ABAT: variants seen among roughly 807,000 people sequenced by gnomAD.
ABAT encodes the protein 4-aminobutyrate aminotransferase, mitochondrial.
ABAT carries 45 observed loss-of-function variants against 64.6 expected under a neutral mutation model. The observed-to-expected ratio is 0.70, with a 90% CI of 0.55 to 0.89. The LOEUF (loss-of-function observed/expected upper bound fraction) is 0.89, where lower values mean the gene tolerates loss of function less well. Ranked by LOEUF, ABAT falls within the 40% of genes least tolerant of loss-of-function variation. The pLI, the probability that ABAT is intolerant of heterozygous loss-of-function variation, is 0.00. For missense variants in ABAT, 633 were observed against 658.4 expected (o/e 0.96, Z 0.42); for synonymous variants, 297 against 250.5 (o/e 1.19, Z -1.75).
At chr16:8,753,334 A>T (rs543975198) in intron 5 of ABAT, among the ~76,000 whole-genome samples, 1 of 151,972 alleles carries the variant, frequency 6.6e-6, no homozygotes, top group Non-Finnish European at 1.5e-5. Flanking sequence ...TGACCTCGTG[A>T]TCCACCCACC....
At chr16:8,719,255 G>A (rs1392588123) in intron 1 of ABAT, among the ~76,000 whole-genome samples, 1 of 152,200 alleles carries the variant, frequency 6.6e-6, no homozygotes, top group African/African-American at 2.4e-5. Flanking sequence ...GGCCCGGGTA[G>A]CTACTTCAGC....
At chr16:8,727,487 A>G (rs919467216) in intron 1 of ABAT, among the ~76,000 whole-genome samples, 2 of 152,084 alleles carry the variant, frequency 1.3e-5, no homozygotes, top group African/African-American at 4.8e-5. Context: ...CCTCCCTGAC[A>G]TTGTCACCCC....
At chr16:8,676,194 G>T (rs548930795) in intron 1 of ABAT, among the ~76,000 whole-genome samples, 1 of 152,154 alleles carries the variant, frequency 6.6e-6, no homozygotes, top group African/African-American at 2.4e-5. Flanking sequence ...GGTTAGCCAC[G>T]GGGAGAGGTA....
At chr16:8,701,904 G>A (rs967032169) in intron 1 of ABAT, among the ~76,000 whole-genome samples, 7 of 151,794 alleles carry the variant, frequency 4.6e-5, no homozygotes, top group African/African-American at 1.7e-4. Context: ...ACCACGAGGG[G>A]GCCAGTGTGG....
chr16:8,725,308 C>T (rs575930805), intron 1 of ABAT, among the ~76,000 whole-genome samples: 11 of 152,302 alleles, frequency 7.2e-5, no homozygotes, highest in South Asian at 6.2e-4. Flanking sequence ...CAGCCACCAC[C>T]GCTATCTAAT....
intron 2 of ABAT, 51 bp downstream of exon 2, chr16:8,735,860 C>T: frequency 6.7e-7 from 1 of 1,491,288 alleles, no homozygotes; most frequent in Non-Finnish European, 9.2e-7. Flanking sequence ...AGATACCATC[C>T]AGACTAGGGA....
At chr16:8,705,843 T>C (rs2057928013) in intron 1 of ABAT, among the ~76,000 whole-genome samples, 2 of 152,204 alleles carry the variant, frequency 1.3e-5, no homozygotes, top group African/African-American at 4.8e-5. Flanking sequence ...AATGATGCTA[T>C]TGCTTGAGTG....
chr16:8,767,394 C>T (rs936518257), intron 9 of ABAT, among the ~76,000 whole-genome samples: 1 of 152,212 alleles, frequency 6.6e-6, no homozygotes, highest in Admixed American at 6.5e-5. Flanking sequence ...AGCTCGGCCC[C>T]TTGCCTTGGT....
intron 1 of ABAT, among the ~76,000 whole-genome samples, chr16:8,733,758 C>T (rs1289321569): frequency 1.3e-5 from 2 of 149,098 alleles, no homozygotes; most frequent in East Asian, 1.9e-4. Context: ...TGCAGTGAGC[C>T]GAGATGGCAG....
chr16:8,679,797 C>A (rs2057290301), intron 1 of ABAT, among the ~76,000 whole-genome samples: 1 of 152,062 alleles, frequency 6.6e-6, no homozygotes, highest in South Asian at 2.1e-4. Flanking sequence ...TTCACTTTGC[C>A]CTCTGATCCA....
At chr16:8,737,956 G>GAAA (rs55778321) in intron 2 of ABAT, among the ~76,000 whole-genome samples, 1 of 17,456 alleles carries the variant, frequency 5.7e-5, no homozygotes, top group Non-Finnish European at 1.1e-4. Flanking sequence ...AAGAAAGGAA[G>GAAA]GAAGGAAGGA....
intron 13 of ABAT, among the ~76,000 whole-genome samples, chr16:8,775,795 T>G (rs1247133287): frequency 6.6e-6 from 1 of 152,112 alleles, no homozygotes; most frequent in Admixed American, 6.5e-5. Context: ...TTCCAATACT[T>G]GACTAAGACC....
chr16:8,718,979 T>A (rs79548259), intron 1 of ABAT, among the ~76,000 whole-genome samples: 3,006 of 152,366 alleles, frequency 0.02, 237 homozygotes, highest in Admixed American at 0.15. Context: ...TCACTTGTTA[T>A]ACGCTGTGAT....
intron 5 of ABAT, among the ~76,000 whole-genome samples, chr16:8,753,628 G>A (rs1042699440): frequency 3.1e-4 from 47 of 152,236 alleles, no homozygotes; most frequent in Admixed American, 3.0e-3. Flanking sequence ...TGAACACACA[G>A]GCAGTGGTGA....
At chr16:8,774,176 C>A (rs1185351980) in intron 12 of ABAT, among the ~76,000 whole-genome samples, 1 of 152,162 alleles carries the variant, frequency 6.6e-6, no homozygotes, top group Non-Finnish European at 1.5e-5. Context: ...GGGTGATTTG[C>A]CCGCCTCAGC....
chr16:8,773,338 G>A (rs112166026), intron 12 of ABAT, among the ~76,000 whole-genome samples: 4,876 of 152,118 alleles, frequency 0.032, 246 homozygotes, highest in African/African-American at 0.11. Context: ...TTCTAACAGA[G>A]ACGAGATTTC....
In ABAT at chr16:8,784,477, G is replaced by A. The variant is rs1596477515; in HGVS notation, c.*3047G>A. ...TAAATGATAAAAAAAAAATTAACAT[G>A]TCACAATGTAACGGATGACCATATG... On this transcript the variant is annotated 3_prime_UTR_variant, in exon 16 of 16. Transcript: ENST00000268251. 6.6e-6 allele frequency: 1 copy of A among 152,358 alleles called. No individual in the cohort carries two copies. Among genetic ancestry groups the A allele is most frequent in the Non-Finnish European group, 1.5e-5 (1 of 68,012 alleles). 9.4% of individuals were successfully genotyped at this position (152,358 alleles called of 1,614,324 possible).
At position 8,781,598 on chromosome 16, in the gene ABAT, G is replaced by T; in HGVS notation, c.*168G>T. Reference sequence around the variant, plus strand: ...TGGTCTTGGGGGAGGGGAGGGGAGGGAAGGGCTGGTGTTGATTTTCCTCCC... The same window carrying T: ...TGGTCTTGGGGGAGGGGAGGGGAGGTAAGGGCTGGTGTTGATTTTCCTCCC... On this transcript the variant is annotated 3_prime_UTR_variant, in exon 16 of 16. Transcript: ENST00000268251. This position sits in a 1 kb window ranked among gnomAD's most constrained non-coding sequence, Gnocchi z 4.5. The T allele has an allele frequency of 2.7e-4, 138 of 509,094 alleles. No individual in the cohort carries two copies. Among genetic ancestry groups the T allele is most frequent in the East Asian group, 6.2e-4 (12 of 19,366 alleles). The allele number at this position is 509,094 out of a possible 1,614,324, so 31.5% of individuals were successfully genotyped here. A position where few individuals can be genotyped will look rare whatever the true frequency, so the allele number is the denominator to read the frequency against.
intron 1 of ABAT, among the ~76,000 whole-genome samples, chr16:8,704,442 G>C (rs935463457): frequency 1.1e-4 from 16 of 152,200 alleles, no homozygotes; most frequent in African/African-American, 3.1e-4. Context: ...GAATGCTAGA[G>C]AGACTTCTTT....
Sources: allele counts gnomAD v4.1 joint callset (sites outside exome capture counted in the v4.1 genomes callset), GRCh38; gene constraint gnomAD v4.1.1; non-coding constraint Gnocchi (gnomAD v3.1); transcripts MANE v1.5; gene names NCBI Gene and HGNC (gene_info 2026-07-23, HGNC 2026-07-21).